Variants in SLC6A4 observed in about 807,000 individuals in gnomAD.
The protein encoded by SLC6A4 is sodium-dependent serotonin transporter.
In SLC6A4, 22 loss-of-function variants were observed where a neutral mutation model predicts 73.4. The ratio of observed to expected loss-of-function variants is 0.30; its 90% CI spans 0.21 to 0.43. The LOEUF is 0.43. SLC6A4 is among the 20% of genes least tolerant of loss of function. SLC6A4 has a pLI of 1.00. For synonymous variants in SLC6A4, 270 were observed against 315.5 expected (o/e 0.86, Z 1.53); for missense variants, 593 against 808.5 (o/e 0.73, Z 3.23).
rs2143012694 is a variant in SLC6A4 at position 30,195,632 on chromosome 17, A to C, written c.*2824T>G. 1 of 152,282 alleles carries C rather than the reference A, an allele frequency of 6.6e-6. No individual in the cohort carries two copies. Among genetic ancestry groups the C allele is most frequent in the East Asian group, 1.9e-4 (1 of 5,182 alleles). The allele number at this position is 152,282 out of a possible 1,614,324, so 9.4% of individuals were successfully genotyped here. A position where few individuals can be genotyped will look rare whatever the true frequency, so the allele number is the denominator to read the frequency against. On this transcript the variant is annotated 3_prime_UTR_variant, in exon 15 of 15. Coordinates refer to ENST00000650711, the MANE Select transcript of SLC6A4 (RefSeq NM_001045.6). Reference sequence around the variant, plus strand: ...ACCTGTCTTTAGCGCTCTCAATAACAGAGAAATTAGCTTGGTCCCCAGGTT... The same window carrying C: ...ACCTGTCTTTAGCGCTCTCAATAACCGAGAAATTAGCTTGGTCCCCAGGTT...
At chr17:30,210,449 C>T in intron 11 of SLC6A4, 66 bp downstream of exon 11, 1 of 1,537,100 alleles carries the variant, frequency 6.5e-7, no homozygotes, top group Non-Finnish European at 8.8e-7. Context: ...AGGAGACGAA[C>T]AGCTTCCTGT....
intron 3 of SLC6A4, among the ~76,000 whole-genome samples, chr17:30,221,049 T>C (rs1457591795): frequency 1.4e-5 from 2 of 147,316 alleles, no homozygotes; most frequent in African/African-American, 5.1e-5. Flanking sequence ...CCATCTCGGC[T>C]CACTGCAACC....
At position 30,221,731 on chromosome 17, in the gene SLC6A4, T is replaced by A. The variant is rs1277908759; in HGVS notation, c.228A>T (p.Gln76His). 6.2e-7 allele frequency: 1 copy of A among 1,614,148 alleles called. No individual in the cohort carries two copies. The highest frequency in any genetic ancestry group is 1.3e-5 in the African/African-American group (1 of 75,024). The stretch of plus-strand genomic sequence containing the variant: ...TCTTGCCCCAGGTCTCCCGTTCCCC[T>A]TGATGAAGCTCAGCCACTAGGGTGG... ...TTTTLVAELH[Q>H]GERETWGKKV... Residue 76 changes from glutamine (Q) to histidine (H), a missense_variant, in exon 3 of 15, where the codon CAA becomes CAT. By Grantham distance (24) the Gln-to-His change is conservative. Coordinates refer to ENST00000650711, the MANE Select transcript of SLC6A4 (RefSeq NM_001045.6).
chr17:30,209,993 T>C (rs1055193532), intron 11 of SLC6A4, among the ~76,000 whole-genome samples: 8 of 152,044 alleles, frequency 5.3e-5, no homozygotes, highest in Non-Finnish European at 1.2e-4. Context: ...CTCAGTCCCC[T>C]TGACCCCCAC....
chr17:30,213,174 C>T (rs1906441818), intron 8 of SLC6A4, among the ~76,000 whole-genome samples: 1 of 152,224 alleles, frequency 6.6e-6, no homozygotes. Flanking sequence ...TGTTCTGGAG[C>T]AGGGCCCAGG....
In SLC6A4 at chr17:30,212,824, C is replaced by T. The variant is rs769439481; in HGVS notation, c.1120G>A (p.Val374Ile). The change falls in exon 9 of 15, where the codon GTT becomes ATT. Residue 374 changes from valine to isoleucine, a missense_variant. Coordinates refer to ENST00000650711, the MANE Select transcript of SLC6A4 (RefSeq NM_001045.6). ...TSVVNCMTSF[V>I]SGFVIFTVLG... ...ACTGTGAAGATGACAAATCCCGAAA[C>T]GAAGCTCGTCATGCAGTTCACCACG... 11 of 1,614,142 alleles carry T rather than the reference C, an allele frequency of 6.8e-6. No homozygotes were observed. The highest frequency in any genetic ancestry group is 1.6e-4 in the Middle Eastern group (1 of 6,062).
intron 1 of SLC6A4, among the ~76,000 whole-genome samples, chr17:30,228,938 T>C (rs1232089327): frequency 6.6e-6 from 1 of 152,228 alleles, no homozygotes; most frequent in Non-Finnish European, 1.5e-5. Flanking sequence ...GCTCTCAGCA[T>C]GGAGGGCTTG....
rs267604790 is a variant in SLC6A4 at position 30,212,774 on chromosome 17, C to T, written c.1170G>A (p.Arg390=). The T allele has an allele frequency of 6.2e-7, 1 of 1,614,218 alleles. No homozygotes were observed. The highest frequency in any genetic ancestry group is 1.1e-5 in the South Asian group (1 of 91,082). Residue 390 remains arginine, a synonymous_variant, in exon 9 of 15, where the codon AGG becomes AGA. Transcript: ENST00000650711. ...TGGCCACCTCAGACACATCTTCATT[C>T]CTCATCTCAGCCATGTAACCGAGCA... The part of the protein sequence containing the change: ...FTVLGYMAEM[R]NEDVSEVAKD...
chr17:30,203,236 G>C lies in SLC6A4; in HGVS notation c.1754C>G (p.Ser585Cys). The C allele has an allele frequency of 6.2e-7, 1 of 1,613,568 alleles. No homozygotes were observed. The highest frequency in any genetic ancestry group is 8.5e-7 in the Non-Finnish European group (1 of 1,179,478). ...TATATATGTGGGGATGCAAATGAAA[G>C]ATGAGGTTCCTATGCAGTAACCCAA... ...IILGYCIGTS[S>C]FICIPTYIAY... The change falls in exon 14 of 15, where the codon TCT (serine) becomes TGT (cysteine). Residue 585 changes from serine (S) to cysteine (C), a missense_variant. By Grantham distance (112) the Ser-to-Cys change is moderately radical. Transcript: ENST00000650711.
At chr17:30,206,712 CTT>C (rs1056871791) in intron 13 of SLC6A4, among the ~76,000 whole-genome samples, 29 of 80,290 alleles carry the variant, frequency 3.6e-4, no homozygotes, top group East Asian at 2.0e-3. Context: ...CTTTTCTTTT[CTT>C]TTTTTTTTTT....
intron 8 of SLC6A4, among the ~76,000 whole-genome samples, 164 bp downstream of exon 8, chr17:30,215,447 C>T (rs535199869): frequency 2.8e-4 from 43 of 152,356 alleles, no homozygotes; most frequent in African/African-American, 9.9e-4. Flanking sequence ...AGTGCTCTGG[C>T]CATGGGTGAG....
At position 30,197,185 on chromosome 17, in the gene SLC6A4, T is replaced by C. The variant is rs1308075611; in HGVS notation, c.*1271A>G. Reference sequence around the variant, plus strand: ...ATTTACTTATCTATATTAAGGGCCTTATGTGAAATGAAAGGTGATTTACTT... The same window carrying C: ...ATTTACTTATCTATATTAAGGGCCTCATGTGAAATGAAAGGTGATTTACTT... On this transcript the variant is annotated 3_prime_UTR_variant, in exon 15 of 15. Coordinates refer to ENST00000650711, the MANE Select transcript of SLC6A4 (RefSeq NM_001045.6). 3 of 152,300 alleles carry C rather than the reference T, an allele frequency of 2.0e-5. No homozygotes were observed. Among genetic ancestry groups the C allele is most frequent in the African/African-American group, 7.2e-5 (3 of 41,440 alleles). The allele number at this position is 152,300 out of a possible 1,614,324, so 9.4% of individuals were successfully genotyped here.
rs200065506 is a variant in SLC6A4, at chr17:30,196,778, G to A, written c.*1678C>T. Reference sequence around the variant, plus strand: ...TAAATTCCCCACTTCTTTTCCTCTAGCAGTTCTGGGAAACTTCTCAGCAGC... The same window carrying A: ...TAAATTCCCCACTTCTTTTCCTCTAACAGTTCTGGGAAACTTCTCAGCAGC... On this transcript the variant is annotated 3_prime_UTR_variant, in exon 15 of 15. Coordinates refer to ENST00000650711, the MANE Select transcript of SLC6A4 (RefSeq NM_001045.6). 1 of 152,300 alleles carries A rather than the reference G, an allele frequency of 6.6e-6. No individual in the cohort carries two copies. Among genetic ancestry groups the A allele is most frequent in the Non-Finnish European group, 1.5e-5 (1 of 68,032 alleles). 9.4% of individuals were successfully genotyped at this position (152,300 alleles called of 1,614,324 possible).
At position 30,211,533 on chromosome 17, in the gene SLC6A4, T is replaced by G. The variant is rs2143014325; in HGVS notation, c.1205-109A>C. The G allele has an allele frequency of 1.4e-6, 1 of 719,502 alleles. No homozygotes were observed. Among genetic ancestry groups the G allele is most frequent in the South Asian group, 1.6e-5 (1 of 61,912 alleles). 44.6% of individuals were successfully genotyped at this position (719,502 alleles called of 1,614,324 possible). On this transcript the variant is annotated intron_variant, in intron 9 of 14. Coordinates refer to ENST00000650711, the MANE Select transcript of SLC6A4 (RefSeq NM_001045.6). This position sits in a 1 kb window ranked among gnomAD's most constrained non-coding sequence, Gnocchi z 4.0. ...CAGTTACAATTCTCATCACAAGACC[T>G]TATGTGTGAATCAGGTTTTGACACA...
In SLC6A4 at chr17:30,221,823, C is replaced by T; in HGVS notation, c.136G>A (p.Gly46Arg). The change falls in exon 3 of 15, where the codon GGG (glycine) becomes AGG (arginine). Residue 46 changes from glycine to arginine, a missense_variant. By Grantham distance (125) the Gly-to-Arg change is moderately radical. Coordinates refer to ENST00000650711, the MANE Select transcript of SLC6A4 (RefSeq NM_001045.6). ...DKVESGQISN[G>R]YSAVPSPGAG... ...CCAGGACTTGGAACTGCTGAGTACC[C>T]ATTGGATATTTGCCCGGACTCCACT... 3 of 1,614,228 alleles carry T rather than the reference C, an allele frequency of 1.9e-6. No homozygotes were observed. Among genetic ancestry groups the T allele is most frequent in the East Asian group, 4.5e-5 (2 of 44,888 alleles).
chr17:30,211,467 G>C lies in SLC6A4; in HGVS notation c.1205-43C>G, dbSNP rs764821809. 43 of 1,208,290 alleles carry C rather than the reference G, an allele frequency of 3.6e-5. No homozygotes were observed. Among genetic ancestry groups the C allele is most frequent in the Non-Finnish European group, 5.1e-5 (41 of 811,220 alleles). The allele number at this position is 1,208,290 out of a possible 1,614,324, so 74.8% of individuals were successfully genotyped here. A position where few individuals can be genotyped will look rare whatever the true frequency, so the allele number is the denominator to read the frequency against. ...GAGGAGGAGGTGGTTGACAAGACCTGTCCTACAAAGATGTCACAGAGGAAA... is the reference window on the plus strand; with the variant it reads ...GAGGAGGAGGTGGTTGACAAGACCTCTCCTACAAAGATGTCACAGAGGAAA... On this transcript the variant is annotated intron_variant, in intron 9 of 14. Transcript: ENST00000650711. This position sits in a 1 kb window ranked among gnomAD's most constrained non-coding sequence, Gnocchi z 4.0.
chr17:30,225,555 A>G (rs1352348867), intron 1 of SLC6A4, among the ~76,000 whole-genome samples: 1 of 152,160 alleles, frequency 6.6e-6, no homozygotes, highest in Admixed American at 6.5e-5. Context: ...GGGTGGAAAG[A>G]TTGCAAACGA....
intron 1 of SLC6A4, among the ~76,000 whole-genome samples, chr17:30,229,543 A>G (rs1284917371): frequency 6.6e-6 from 1 of 152,100 alleles, no homozygotes; most frequent in Non-Finnish European, 1.5e-5. Flanking sequence ...GGTGTCTTTT[A>G]GGCACTTTTG....
At position 30,196,210 on chromosome 17, in the gene SLC6A4, A is replaced by T. The variant is rs1430624767; in HGVS notation, c.*2246T>A. ...TATTTTTAGTTTTTATTTTTCTATA[A>T]ATGCTACATATAGATATAAAAGGTC... On this transcript the variant is annotated 3_prime_UTR_variant, in exon 15 of 15. Coordinates refer to ENST00000650711, the MANE Select transcript of SLC6A4 (RefSeq NM_001045.6). 6.6e-6 allele frequency: 1 copy of T among 152,092 alleles called. No homozygotes were observed. The highest frequency in any genetic ancestry group is 2.4e-5 in the African/African-American group (1 of 41,430). 9.4% of individuals were successfully genotyped at this position (152,092 alleles called of 1,614,324 possible). A position where few individuals can be genotyped will look rare whatever the true frequency, so the allele number is the denominator to read the frequency against.
Sources: allele counts gnomAD v4.1 joint callset (sites outside exome capture counted in the v4.1 genomes callset), GRCh38; gene constraint gnomAD v4.1.1; non-coding constraint Gnocchi (gnomAD v3.1); transcripts MANE v1.5; gene names NCBI Gene and HGNC (gene_info 2026-07-23, HGNC 2026-07-21).